KIF22: variants seen among roughly 807,000 people sequenced by gnomAD.
KIF22 encodes the protein kinesin family member 22, also known as kinesin-like protein KIF22.
In KIF22, 62 loss-of-function variants were observed where a neutral mutation model predicts 73.0. The observed-to-expected ratio is 0.85, with a 90% confidence interval of 0.69 to 1.05. KIF22 has a LOEUF of 1.05. Among genes scored for constraint, KIF22 ranks in the 50% least tolerant of loss-of-function variants. The pLI is 0.00. For synonymous variants in KIF22, 411 were observed against 340.1 expected, an observed-to-expected ratio of 1.21 and a Z score of -2.29; for missense variants, 854 against 870.1, an observed-to-expected ratio of 0.98 and a Z score of 0.23.
At chr16:29,793,941 T>C (rs941195405) in intron 1 of KIF22, among the ~76,000 whole-genome samples, 5 of 152,132 alleles carry the variant, frequency 3.3e-5, no homozygotes, top group Admixed American at 1.3e-4. Flanking sequence ...TGAGTATGCC[T>C]ACTGGATCTA....
rs767001936 is a variant in KIF22 at position 29,798,928 on chromosome 16, A to T, written c.550-47A>T. On this transcript the variant is annotated intron_variant, in intron 4 of 13. Transcript: ENST00000160827. This position sits in a 1 kb window ranked among gnomAD's most constrained non-coding sequence, Gnocchi z 4.1. ...AAAGGAAACTGATCCCCAGGAAGAA[A>T]CAGCCTCTCTATGGAGAATTGCCCT... is the stretch of plus-strand genomic sequence containing the variant. The T allele has an allele frequency of 3.8e-6, 6 of 1,587,460 alleles. No individual in the cohort carries two copies. The South Asian group carries it at 6.6e-5, about 18-fold the overall frequency.
intron 8 of KIF22, chr16:29,800,291 A>G: frequency 3.0e-6 from 1 of 331,712 alleles, no homozygotes; most frequent in Non-Finnish European, 5.5e-6. Flanking sequence ...CCTCATCTCT[A>G]CTAAAAAATA....
Position 29,798,286 on chromosome 16 carries a change from T to TTGGGGG in KIF22, c.267-88_267-87insTGGGGG. 1 of 1,485,604 alleles carries TTGGGGG rather than the reference T, an allele frequency of 6.7e-7. No individual in the cohort carries two copies. The highest frequency in any genetic ancestry group is 9.1e-7 in the Non-Finnish European group (1 of 1,104,268). The allele number at this position is 1,485,604 out of a possible 1,614,324, so 92.0% of individuals were successfully genotyped here. The stretch of plus-strand genomic sequence containing the variant: ...AGGTCCAGATGAGAGTAGAATCCCT[T>TTGGGGG]ACCCACCCCCACCCCACTCCACCCC... On this transcript the variant is annotated intron_variant, in intron 2 of 13. Coordinates refer to ENST00000160827, the MANE Select transcript of KIF22 (RefSeq NM_007317.3). The surrounding 1 kb of genome is among the most constrained non-coding windows in gnomAD (Gnocchi z 4.1).
chr16:29,795,501 G>A (rs1334738852), intron 1 of KIF22, among the ~76,000 whole-genome samples: 1 of 152,162 alleles, frequency 6.6e-6, no homozygotes. Flanking sequence ...CCACCAGCAA[G>A]GAAGGGAAAG....
In KIF22 at chr16:29,805,046, G is replaced by T; in HGVS notation, c.1890+20G>T. ...AGCCAGGTAGCAGCCCACTGGACTG[G>T]GGGAGGGCGGGGGCGGGGGAGACCG... is the stretch of plus-strand genomic sequence containing the variant. On this transcript the variant is annotated intron_variant, in intron 12 of 13. Transcript: ENST00000160827. The T allele has an allele frequency of 6.2e-7, 1 of 1,611,852 alleles. No homozygotes were observed. The highest frequency in any genetic ancestry group is 8.5e-7 in the Non-Finnish European group (1 of 1,179,030).
At chr16:29,790,977 G>C in intron 1 of KIF22, 148 bp downstream of exon 1, 2 of 1,467,844 alleles carry the variant, frequency 1.4e-6, no homozygotes, top group Non-Finnish European at 1.8e-6. Flanking sequence ...GAGAGTGTGG[G>C]GTCGCGAGCC....
rs1343366684 is a variant in KIF22, at chr16:29,798,291, A to C, written c.267-83A>C. 0.039 allele frequency: 26,099 copies of C among 674,794 alleles called. No homozygotes were observed. Among genetic ancestry groups the C allele is most frequent in the Non-Finnish European group, 0.052 (23,270 of 446,292 alleles). 41.8% of individuals were successfully genotyped at this position (674,794 alleles called of 1,614,324 possible). A position where few individuals can be genotyped will look rare whatever the true frequency, so the allele number is the denominator to read the frequency against. On this transcript the variant is annotated intron_variant, in intron 2 of 13. Coordinates refer to ENST00000160827, the MANE Select transcript of KIF22 (RefSeq NM_007317.3). The surrounding 1 kb of genome is among the most constrained non-coding windows in gnomAD (Gnocchi z 4.1). ...CAGATGAGAGTAGAATCCCTTACCC[A>C]CCCCCACCCCACTCCACCCCTTACA...
chr16:29,805,288 G>C lies in KIF22; in HGVS notation c.1976G>C (p.Gly659Ala), dbSNP rs1240445412. The change falls in exon 14 of 14, where the codon GGC (glycine) becomes GCC (alanine). Residue 659 changes from glycine to alanine, a missense_variant. Transcript: ENST00000160827. ...LKANILGLAA[G>A]QRCGAS ...GCAAACATCCTGGGTCTCGCCGCCG[G>C]CCAGCGCTGTGGCGCCTCCTGACCG... is the stretch of plus-strand genomic sequence containing the variant. 6.2e-7 allele frequency: 1 copy of C among 1,613,710 alleles called. No individual in the cohort carries two copies. Among genetic ancestry groups the C allele is most frequent in the African/African-American group, 1.3e-5 (1 of 75,064 alleles).
chr16:29,799,583 G>A (rs777878531), intron 6 of KIF22, 45 bp from the exon 7 acceptor site: 2 of 1,612,974 alleles, frequency 1.2e-6, no homozygotes, highest in African/African-American at 2.7e-5. Context: ...TGAGGCATAG[G>A]AAGGCTGGGC....
rs1397979573 is a variant in KIF22, at chr16:29,804,065, G to A, written c.1677G>A (p.Lys559=). Residue 559 remains lysine (K), a splice_region_variant and synonymous_variant, in exon 11 of 14, where the codon AAG becomes AAA. Transcript: ENST00000160827. The part of the protein sequence containing the change: ...HILKNKGRKR[K]LESLDALEPE... ...TGAAGAATAAAGGCCGGAAGAGAAA[G>A]GTGAAAGTAGCTGGGGGCTTAGGCT... 1 of 1,613,048 alleles carries A rather than the reference G, an allele frequency of 6.2e-7. No individual in the cohort carries two copies. The highest frequency in any genetic ancestry group is 1.7e-5 in the Admixed American group (1 of 60,024).
At position 29,798,937 on chromosome 16, in the gene KIF22, CTA is replaced by C. The variant is rs1789138745; in HGVS notation, c.550-36_550-35del. The C allele has an allele frequency of 1.3e-6, 2 of 1,595,788 alleles. No individual in the cohort carries two copies. The highest frequency in any genetic ancestry group is 1.7e-6 in the Non-Finnish European group (2 of 1,163,504). On this transcript the variant is annotated intron_variant, in intron 4 of 13. Transcript: ENST00000160827. This position sits in a 1 kb window ranked among gnomAD's most constrained non-coding sequence, Gnocchi z 4.1. Reference sequence around the variant, plus strand: ...TGATCCCCAGGAAGAAACAGCCTCTCTATGGAGAATTGCCCTTCCCCTTCACT... The same window carrying C: ...TGATCCCCAGGAAGAAACAGCCTCTCTGGAGAATTGCCCTTCCCCTTCACT...
chr16:29,798,806 T>G lies in KIF22; in HGVS notation c.549+59T>G. ...AAAGGGTCAAAGTAAGACCTGGTTCTAGAACATGAAGCTCTGCTGTAGCAG... is the reference window on the plus strand; with the variant it reads ...AAAGGGTCAAAGTAAGACCTGGTTCGAGAACATGAAGCTCTGCTGTAGCAG... On this transcript the variant is annotated intron_variant, in intron 4 of 13. Coordinates refer to ENST00000160827, the MANE Select transcript of KIF22 (RefSeq NM_007317.3). The surrounding 1 kb of genome is among the most constrained non-coding windows in gnomAD (Gnocchi z 4.1). The G allele has an allele frequency of 1.3e-6, 2 of 1,588,756 alleles. No individual in the cohort carries two copies. Among genetic ancestry groups the G allele is most frequent in the Non-Finnish European group, 1.7e-6 (2 of 1,166,366 alleles).
chr16:29,804,904 C>T lies in KIF22; in HGVS notation c.1768C>T (p.Gln590Ter). The change falls in exon 12 of 14, where the codon CAA (glutamine) becomes TAA (stop). Residue 590 changes from glutamine to a stop codon, truncating the protein, a stop_gained. Transcript: ENST00000160827. LOFTEE classifies it high-confidence loss of function. ...ISPELLAHGRQKILDLLNEGS... is the reference protein window; with the variant it reads ...ISPELLAHGR ...CCCGGAGCTACTGGCTCATGGGCGC[C>T]AAAAAATACTGGATCTGCTGAACGA... 1.2e-6 allele frequency: 2 copies of T among 1,613,938 alleles called. No homozygotes were observed. The highest frequency in any genetic ancestry group is 1.7e-6 in the Non-Finnish European group (2 of 1,179,998).
At position 29,798,279 on chromosome 16, in the gene KIF22, A is replaced by T; in HGVS notation, c.267-95A>T. The T allele has an allele frequency of 2.6e-6, 4 of 1,528,512 alleles. No homozygotes were observed. Among genetic ancestry groups the T allele is most frequent in the Non-Finnish European group, 2.6e-6 (3 of 1,139,510 alleles). 94.7% of individuals were successfully genotyped at this position (1,528,512 alleles called of 1,614,324 possible). On this transcript the variant is annotated intron_variant, in intron 2 of 13. Coordinates refer to ENST00000160827, the MANE Select transcript of KIF22 (RefSeq NM_007317.3). This position sits in a 1 kb window ranked among gnomAD's most constrained non-coding sequence, Gnocchi z 4.1. Reference sequence around the variant, plus strand: ...AAATCCAAGGTCCAGATGAGAGTAGAATCCCTTACCCACCCCCACCCCACT... The same window carrying T: ...AAATCCAAGGTCCAGATGAGAGTAGTATCCCTTACCCACCCCCACCCCACT...
chr16:29,796,765 C>T (rs1898962380), intron 1 of KIF22, 128 bp from the exon 2 acceptor site: 1 of 837,836 alleles, frequency 1.2e-6, no homozygotes, highest in Admixed American at 2.2e-5. Context: ...GGGGTGTCCA[C>T]AACATGACCA....
intron 1 of KIF22, chr16:29,791,242 T>C: frequency 9.6e-7 from 1 of 1,043,314 alleles, no homozygotes; most frequent in Non-Finnish European, 1.2e-6. Flanking sequence ...GGAAGGGTTC[T>C]GTGTGGGACA....
At position 29,798,284 on chromosome 16, in the gene KIF22, C is replaced by CT; in HGVS notation, c.267-88dup. The CT allele has an allele frequency of 1.7e-4, 260 of 1,498,130 alleles. No homozygotes were observed. Among genetic ancestry groups the CT allele is most frequent in the Non-Finnish European group, 2.1e-4 (234 of 1,113,984 alleles). 92.8% of individuals were successfully genotyped at this position (1,498,130 alleles called of 1,614,324 possible). A position where few individuals can be genotyped will look rare whatever the true frequency, so the allele number is the denominator to read the frequency against. On this transcript the variant is annotated intron_variant, in intron 2 of 13. Transcript: ENST00000160827. The surrounding 1 kb of genome is among the most constrained non-coding windows in gnomAD (Gnocchi z 4.1). ...CAAGGTCCAGATGAGAGTAGAATCC[C>CT]TTACCCACCCCCACCCCACTCCACC...
Position 29,792,343 on chromosome 16 carries a change from C to G in KIF22, c.70+1514C>G, listed in dbSNP as rs1898839919. On this transcript the variant is annotated intron_variant, in intron 1 of 13. Coordinates refer to ENST00000160827, the MANE Select transcript of KIF22 (RefSeq NM_007317.3). ...TAAATAATTGTTTACATGTGGCCCT[C>G]CCCTCTTCCCTCCTACCCTGGACTG... The G allele has an allele frequency of 5.0e-6, 4 of 797,086 alleles. No homozygotes were observed. The African/African-American group carries it at 7.5e-5, about 15-fold the overall frequency. The allele number at this position is 797,086 out of a possible 1,614,324, so 49.4% of individuals were successfully genotyped here. A position where few individuals can be genotyped will look rare whatever the true frequency, so the allele number is the denominator to read the frequency against.
intron 1 of KIF22, among the ~76,000 whole-genome samples, chr16:29,796,287 A>G (rs1223176487): frequency 7.4e-6 from 1 of 135,730 alleles, no homozygotes; most frequent in Non-Finnish European, 1.6e-5. Context: ...AAAAAAAAAC[A>G]CACACACACA....
Sources: allele counts gnomAD v4.1 joint callset (sites outside exome capture counted in the v4.1 genomes callset), GRCh38; gene constraint gnomAD v4.1.1; non-coding constraint Gnocchi (gnomAD v3.1); transcripts MANE v1.5; gene names NCBI Gene and HGNC (gene_info 2026-07-23, HGNC 2026-07-21).